Variants in TAFA5 observed in about 807,000 individuals in gnomAD.
The protein encoded by TAFA5 is TAFA chemokine like family member 5, also known as chemokine-like protein TAFA-5.
In TAFA5, 6 loss-of-function variants were observed where a neutral mutation model predicts 15.3. That is an observed-to-expected ratio of 0.39 (90% confidence interval 0.21 to 0.77). TAFA5 has a LOEUF of 0.77. Among genes scored for constraint, TAFA5 ranks in the 30% least tolerant of loss-of-function variants. The pLI, the probability that TAFA5 is intolerant of heterozygous loss-of-function variation, is 0.41. For missense variants in TAFA5, 161 were observed against 193.1 expected (o/e 0.83, Z 0.98); for synonymous variants, 103 against 80.7 (o/e 1.28, Z -1.48).
At chr22:48,712,282 C>T (rs537083079) in intron 3 of TAFA5, among the ~76,000 whole-genome samples, 2 of 152,352 alleles carry the variant, frequency 1.3e-5, no homozygotes, top group African/African-American at 4.8e-5. Context: ...GTCTCAAACT[C>T]CTGACCTCAG....
chr22:48,661,458 C>T (rs542936814), intron 2 of TAFA5, among the ~76,000 whole-genome samples: 14 of 152,288 alleles, frequency 9.2e-5, no homozygotes, highest in African/African-American at 2.6e-4. Flanking sequence ...CATGATGAGC[C>T]GGTGCCCCGA....
rs1379623438 is a variant in TAFA5 at position 48,550,775 on chromosome 22, C to T, written c.112+61071C>T. 6.6e-6 allele frequency among the ~76,000 whole-genome samples: 1 copy of T among 151,970 alleles called. No homozygotes were observed. The highest frequency in any genetic ancestry group is 1.5e-5 in the Non-Finnish European group (1 of 67,980). On this transcript the variant is annotated intron_variant, in intron 1 of 3. Coordinates refer to ENST00000402357, the MANE Select transcript of TAFA5 (RefSeq NM_001082967.3). This position sits in a 1 kb window ranked among gnomAD's most constrained non-coding sequence, Gnocchi z 4.1. ...ACTCTGATCCACGGGTGTCTGGGCT[C>T]CAGAAAGCTTTCTCTGACCTTCTTG...
At position 48,639,938 on chromosome 22, in the gene TAFA5, AC is replaced by A. The variant is rs112983498; in HGVS notation, c.113-6652del. ...TCCACAGGCCCCAAATCGTGACCGCACCCCCCCAACCCCGCCGCCCAAGGCC... is the reference window on the plus strand; with the variant it reads ...TCCACAGGCCCCAAATCGTGACCGCACCCCCCAACCCCGCCGCCCAAGGCC... On this transcript the variant is annotated intron_variant, in intron 1 of 3. Coordinates refer to ENST00000402357, the MANE Select transcript of TAFA5 (RefSeq NM_001082967.3). Among the ~76,000 whole-genome samples the A allele has an allele frequency of 7.9e-3, 1,188 of 150,644 alleles. 23 individuals carry two copies. Among genetic ancestry groups the A allele is most frequent in the African/African-American group, 0.028 (1,145 of 40,914 alleles).
At chr22:48,686,224 C>T (rs1248431254) in intron 2 of TAFA5, among the ~76,000 whole-genome samples, 1 of 152,178 alleles carries the variant, frequency 6.6e-6, no homozygotes, top group African/African-American at 2.4e-5. Flanking sequence ...GGAGACAAGC[C>T]TAGGTTTCAC....
At chr22:48,715,152 C>T (rs4988656) in intron 3 of TAFA5, among the ~76,000 whole-genome samples, 9,639 of 152,288 alleles carry the variant, frequency 0.063, 369 homozygotes, top group Admixed American at 0.095. Flanking sequence ...CCATTCCACC[C>T]ACTGAACTCA....
intron 3 of TAFA5, among the ~76,000 whole-genome samples, chr22:48,747,006 C>T (rs1469983941): frequency 6.6e-6 from 1 of 152,196 alleles, no homozygotes; most frequent in Non-Finnish European, 1.5e-5. Context: ...GGGCTCAACG[C>T]CCTGGAGCCC....
chr22:48,605,696 A>C (rs1428495327), intron 1 of TAFA5, among the ~76,000 whole-genome samples: 8 of 152,170 alleles, frequency 5.3e-5, no homozygotes, highest in Non-Finnish European at 7.4e-5. Flanking sequence ...CTAAATTTGA[A>C]CTTCAACTTG....
intron 1 of TAFA5, among the ~76,000 whole-genome samples, chr22:48,641,757 G>A (rs558390281): frequency 7.9e-5 from 12 of 152,092 alleles, no homozygotes; most frequent in Non-Finnish European, 1.8e-4. Flanking sequence ...TCGGTGGGGG[G>A]ACCTGCAAGG....
intron 1 of TAFA5, among the ~76,000 whole-genome samples, chr22:48,626,947 C>T (rs1926044338): frequency 6.6e-6 from 1 of 152,202 alleles, no homozygotes; most frequent in South Asian, 2.1e-4. Flanking sequence ...GCTGAGACCT[C>T]CTGTCCTCCG....
intron 2 of TAFA5, among the ~76,000 whole-genome samples, chr22:48,651,255 G>A (rs754796898): frequency 8.5e-5 from 13 of 152,188 alleles, no homozygotes; most frequent in Non-Finnish European, 1.9e-4. Flanking sequence ...GTCGTGGGCG[G>A]GGGCAGTTTT....
chr22:48,597,906 T>A (rs1006727479), intron 1 of TAFA5, among the ~76,000 whole-genome samples: 8 of 152,226 alleles, frequency 5.3e-5, no homozygotes, highest in African/African-American at 1.7e-4. Flanking sequence ...ACGGGCCGAT[T>A]ATGACTTGAG....
At chr22:48,721,955 C>T (rs775453838) in intron 3 of TAFA5, among the ~76,000 whole-genome samples, 8 of 149,784 alleles carry the variant, frequency 5.3e-5, no homozygotes, top group South Asian at 2.1e-4. Flanking sequence ...CCAGCCCAGG[C>T]GACAGAGCAA....
intron 1 of TAFA5, chr22:48,543,366 C>A (rs992506630): frequency 3.9e-5 from 6 of 152,132 alleles, no homozygotes; most frequent in Non-Finnish European, 7.4e-5. Context: ...GAAGCAGGCC[C>A]GAGTGGAGGG....
chr22:48,531,945 C>T (rs1376314138), intron 1 of TAFA5, among the ~76,000 whole-genome samples: 2 of 152,244 alleles, frequency 1.3e-5, no homozygotes, highest in Non-Finnish European at 2.9e-5. Flanking sequence ...ACTTCATGCC[C>T]AGCACATGCC....
At chr22:48,641,281 G>A (rs949693373) in intron 1 of TAFA5, among the ~76,000 whole-genome samples, 10 of 152,140 alleles carry the variant, frequency 6.6e-5, no homozygotes, top group Non-Finnish European at 1.3e-4. Context: ...GAAATGATGC[G>A]TGACAAACAC....
At chr22:48,593,963 C>G (rs753551248) in intron 1 of TAFA5, among the ~76,000 whole-genome samples, 3 of 152,234 alleles carry the variant, frequency 2.0e-5, no homozygotes, top group Non-Finnish European at 4.4e-5. Context: ...GTTATTTTTC[C>G]TATTATTTTC....
At chr22:48,652,590 T>G (rs908829490) in intron 2 of TAFA5, among the ~76,000 whole-genome samples, 5 of 152,178 alleles carry the variant, frequency 3.3e-5, no homozygotes, top group African/African-American at 1.2e-4. Context: ...GGAGGGGGTC[T>G]GGGCCCTCAC....
intron 1 of TAFA5, among the ~76,000 whole-genome samples, chr22:48,565,675 G>A (rs753570834): frequency 2.0e-5 from 3 of 152,162 alleles, no homozygotes; most frequent in East Asian, 1.9e-4. Context: ...AGGATTTCCC[G>A]GGACTTGCAC....
chr22:48,669,833 C>T (rs1927743905), intron 2 of TAFA5, among the ~76,000 whole-genome samples: 1 of 152,234 alleles, frequency 6.6e-6, no homozygotes, highest in Admixed American at 6.5e-5. Flanking sequence ...TGCTTTCTGG[C>T]CCTCGCATAT....
Sources: allele counts gnomAD v4.1 joint callset (sites outside exome capture counted in the v4.1 genomes callset), GRCh38; gene constraint gnomAD v4.1.1; non-coding constraint Gnocchi (gnomAD v3.1); transcripts MANE v1.5; gene names NCBI Gene and HGNC (gene_info 2026-07-23, HGNC 2026-07-21).